The following PIGN variants were observed in gnomAD, a reference collection of about 807,000 sequenced individuals.
PIGN encodes the protein GPI ethanolamine phosphate transferase 1.
A neutral mutation model predicts 125.4 loss-of-function variants in PIGN; 117 were observed. The observed-to-expected ratio is 0.93, with a 90% CI of 0.80 to 1.09. The LOEUF is 1.09. Among genes scored for constraint, PIGN ranks in the 50% least tolerant of loss-of-function variants. The probability of loss-of-function intolerance (pLI) is 0.00; values close to 1 mark genes in which losing one functional copy is unlikely to be tolerated. For missense variants in PIGN, 1,075 were observed against 1,094.9 expected, an observed-to-expected ratio of 0.98 and a Z score of 0.26; for synonymous variants, 392 against 377.8, an observed-to-expected ratio of 1.04 and a Z score of -0.44.
chr18:62,144,615 A>G (rs1045581298), intron 10 of PIGN, among the ~76,000 whole-genome samples: 9 of 152,128 alleles, frequency 5.9e-5, no homozygotes, highest in African/African-American at 1.9e-4. Context: ...GCTCCCTCTT[A>G]TCCTAACTGT....
At chr18:62,082,145 C>A (rs1363202306) in intron 28 of PIGN, among the ~76,000 whole-genome samples, 7 of 152,086 alleles carry the variant, frequency 4.6e-5, no homozygotes, top group African/African-American at 1.7e-4. Flanking sequence ...AGACGGACTG[C>A]TCCAGAAATT....
chr18:62,031,448 G>C (rs1181405253), intron 23 of PIGN, among the ~76,000 whole-genome samples: 3 of 152,136 alleles, frequency 2.0e-5, no homozygotes, highest in African/African-American at 7.2e-5. Context: ...GGGAACCCTT[G>C]GAATAAAAAG....
At chr18:62,144,192 T>C (rs2036237846) in intron 10 of PIGN, among the ~76,000 whole-genome samples, 2 of 152,210 alleles carry the variant, frequency 1.3e-5, no homozygotes, top group African/African-American at 2.4e-5. Context: ...AAAACGTCAA[T>C]TCAACATGAA....
chr18:62,027,080 G>C (rs1010365323), intron 23 of PIGN, among the ~76,000 whole-genome samples: 2 of 152,166 alleles, frequency 1.3e-5, no homozygotes, highest in South Asian at 4.1e-4. Context: ...GCAGGCACCT[G>C]TAACCCCAGC....
Position 62,147,113 on chromosome 18 carries a change from GA to G in PIGN, c.675-13del. Reference sequence around the variant, plus strand: ...TGTGCTTGTAGTCTCTATTTGTAAAGAAACAGAGGAACAAATTAAATTAATT... The same window carrying G: ...TGTGCTTGTAGTCTCTATTTGTAAAGAACAGAGGAACAAATTAAATTAATT... On this transcript the variant is annotated splice_polypyrimidine_tract_variant and intron_variant, in intron 8 of 30. Transcript: ENST00000640252. 1 of 1,579,984 alleles carries G rather than the reference GA, an allele frequency of 6.3e-7. No individual in the cohort carries two copies. Among genetic ancestry groups the G allele is most frequent in the East Asian group, 2.3e-5 (1 of 44,202 alleles).
intron 2 of PIGN, among the ~76,000 whole-genome samples, chr18:62,162,930 A>G (rs2037006791): frequency 2.0e-5 from 3 of 152,162 alleles, no homozygotes; most frequent in South Asian, 4.1e-4. Context: ...TATTTGTGTT[A>G]TTTTCTTAAA....
chr18:62,038,204 G>A (rs2030285407), downstream of PIGN, among the ~76,000 whole-genome samples: 1 of 151,506 alleles, frequency 6.6e-6, no homozygotes, highest in Non-Finnish European at 1.5e-5. Context: ...CAACTTAGCA[G>A]AAGATAAAAA....
Position 62,161,060 on chromosome 18 carries a change from T to C in PIGN, c.221+73A>G. On this transcript the variant is annotated intron_variant, in intron 4 of 30. Coordinates refer to ENST00000640252, the MANE Select transcript of PIGN (RefSeq NM_176787.5). ...CCTGTGCCCAGTGCATGATAAATAGTAAGATATTTTGCAGTTTACTTAACT... is the reference window on the plus strand; with the variant it reads ...CCTGTGCCCAGTGCATGATAAATAGCAAGATATTTTGCAGTTTACTTAACT... 6.5e-6 allele frequency: 6 copies of C among 924,830 alleles called. No individual in the cohort carries two copies. The South Asian group carries it at 8.2e-5, about 13-fold the overall frequency. 57.3% of individuals were successfully genotyped at this position (924,830 alleles called of 1,614,324 possible). A position where few individuals can be genotyped will look rare whatever the true frequency, so the allele number is the denominator to read the frequency against.
At chr18:62,098,045 C>A (rs372535757) in intron 22 of PIGN, among the ~76,000 whole-genome samples, 301 of 152,302 alleles carry the variant, frequency 2.0e-3, no homozygotes, top group African/African-American at 6.8e-3. Context: ...CTGATCCAAG[C>A]AGAAATTTAC....
chr18:62,074,282 T>C (rs560071397), intron 29 of PIGN, among the ~76,000 whole-genome samples: 3 of 152,340 alleles, frequency 2.0e-5, no homozygotes, highest in South Asian at 4.1e-4. Flanking sequence ...AGACATAAAA[T>C]AGGTTCCTCT....
intron 30 of PIGN, among the ~76,000 whole-genome samples, chr18:62,057,716 T>C (rs2031830312): frequency 6.6e-6 from 1 of 152,226 alleles, no homozygotes; most frequent in Non-Finnish European, 1.5e-5. Context: ...TCAAAGGCCA[T>C]AAGTGATAGC....
At chr18:62,170,911 A>G (rs201934181) in intron 1 of PIGN, among the ~76,000 whole-genome samples, 2 of 152,236 alleles carry the variant, frequency 1.3e-5, no homozygotes, top group East Asian at 3.8e-4. Context: ...TGGATAGAAG[A>G]TCAAACCAGC....
At chr18:62,071,902 A>G (rs1483962717) in intron 30 of PIGN, among the ~76,000 whole-genome samples, 2 of 113,874 alleles carry the variant, frequency 1.8e-5, no homozygotes, top group African/African-American at 3.9e-5. Flanking sequence ...ATATATATAT[A>G]TATATATAAA....
At chr18:62,095,091 A>G (rs1203470969) in intron 23 of PIGN, among the ~76,000 whole-genome samples, 4 of 152,244 alleles carry the variant, frequency 2.6e-5, no homozygotes, top group Non-Finnish European at 5.9e-5. Context: ...CCCTAGGTTT[A>G]GTCTAACTTC....
At chr18:62,098,374 A>G (rs932317206) in intron 22 of PIGN, among the ~76,000 whole-genome samples, 1 of 152,220 alleles carries the variant, frequency 6.6e-6, no homozygotes, top group African/African-American at 2.4e-5. Context: ...TAACATTTCA[A>G]TATGTCTGAT....
intron 2 of PIGN, among the ~76,000 whole-genome samples, 157 bp downstream of exon 2, chr18:62,163,374 G>A (rs545888324): frequency 6.6e-6 from 1 of 152,146 alleles, no homozygotes; most frequent in Non-Finnish European, 1.5e-5. Context: ...TTTGCATGGT[G>A]TTCTGGTCCC....
At chr18:62,084,428 T>C in intron 27 of PIGN, 103 bp downstream of exon 27, 1 of 711,222 alleles carries the variant, frequency 1.4e-6, no homozygotes, top group East Asian at 2.8e-5. Flanking sequence ...GTGCCAACTC[T>C]GAAAGGATAT....
rs1257002665 is a variant in PIGN, at chr18:62,084,563, G to C, written c.2470C>G (p.Pro824Ala). 1 of 1,559,668 alleles carries C rather than the reference G, an allele frequency of 6.4e-7. No individual in the cohort carries two copies. Among genetic ancestry groups the C allele is most frequent in the East Asian group, 2.4e-5 (1 of 41,860 alleles). Reference protein sequence around the residue: ...SVYCFLTVFSPFMMGALMMWK... With the variant: ...SVYCFLTVFSAFMMGALMMWK... ...ATCATCAGGGCTCCCATCATAAAAG[G>C]ACTGAACACAGTCAGAAAGCAATAG... Residue 824 changes from proline (P) to alanine (A), a missense_variant, in exon 27 of 31, where the codon CCT (proline) becomes GCT (alanine). Physicochemically the swap from Pro to Ala is conservative, Grantham distance 27 (BLOSUM62 -1). This residue lies in a region of PIGN where 915 missense variants were observed against 908.7 expected (regional missense o/e 1.01). Coordinates refer to ENST00000640252, the MANE Select transcript of PIGN (RefSeq NM_176787.5).
chr18:62,068,440 T>C (rs545765812), intron 30 of PIGN, among the ~76,000 whole-genome samples: 4 of 152,324 alleles, frequency 2.6e-5, no homozygotes, highest in African/African-American at 9.6e-5. Context: ...CTCCCACTCT[T>C]TTCATTTTGC....
Sources: allele counts gnomAD v4.1 joint callset (sites outside exome capture counted in the v4.1 genomes callset), GRCh38; gene constraint gnomAD v4.1.1; regional missense constraint gnomAD v4.1.1; transcripts MANE v1.5; gene names NCBI Gene and HGNC (gene_info 2026-07-23, HGNC 2026-07-21).